RIPOR3: variants seen among roughly 807,000 people sequenced by gnomAD.
RIPOR3 encodes the protein family with sequence similarity 65 member C.
Under a neutral mutation model 114.3 loss-of-function variants are expected in RIPOR3, and 95 were observed. The ratio of observed to expected loss-of-function variants is 0.83; its 90% confidence interval spans 0.70 to 0.99. The LOEUF (loss-of-function observed/expected upper bound fraction) is 0.99, where lower values mean the gene tolerates loss of function less well. Among genes scored for constraint, RIPOR3 ranks in the 50% least tolerant of loss-of-function variants. The probability of loss-of-function intolerance (pLI) is 0.00; values close to 1 mark genes in which losing one functional copy is unlikely to be tolerated. For missense variants in RIPOR3, 1,252 were observed against 1,266.9 expected (o/e 0.99, Z 0.18); for synonymous variants, 575 against 543.8 (o/e 1.06, Z -0.80).
chr20:50,666,968 G>A (rs368266626), intron 1 of RIPOR3, among the ~76,000 whole-genome samples: 10 of 152,166 alleles, frequency 6.6e-5, no homozygotes, highest in African/African-American at 2.4e-4. Context: ...CTTTGGGTGA[G>A]TGGAGTAAAA....
intron 13 of RIPOR3, among the ~76,000 whole-genome samples, chr20:50,599,903 CTTT>C (rs10639593): frequency 5.3e-5 from 8 of 151,450 alleles, no homozygotes; most frequent in Non-Finnish European, 1.0e-4. Flanking sequence ...CACACACACA[CTTT>C]TTTTTCTTTT....
intron 19 of RIPOR3, among the ~76,000 whole-genome samples, chr20:50,591,122 A>G (rs2083093010): frequency 6.6e-6 from 1 of 152,220 alleles, no homozygotes; most frequent in Non-Finnish European, 1.5e-5. Context: ...AACGGGGAAA[A>G]AAACCTTTAG....
chr20:50,598,920 AAG>A (rs1364713894), intron 13 of RIPOR3, among the ~76,000 whole-genome samples: 26 of 151,462 alleles, frequency 1.7e-4, no homozygotes, highest in Non-Finnish European at 3.0e-4. Context: ...AAAAAAAAAA[AAG>A]GAGGGGGTTA....
At chr20:50,653,847 A>G (rs2085708774) in intron 1 of RIPOR3, 1 of 151,924 alleles carries the variant, frequency 6.6e-6, no homozygotes, top group Non-Finnish European at 1.5e-5. Context: ...CGCCTCGGAT[A>G]TTTCTCACTG....
intron 11 of RIPOR3, among the ~76,000 whole-genome samples, chr20:50,606,023 G>A (rs764920903): frequency 6.6e-6 from 1 of 152,166 alleles, no homozygotes; most frequent in South Asian, 2.1e-4. Context: ...GGCCAACATG[G>A]CGAAACCCCA....
chr20:50,651,783 A>C (rs2085622025), intron 1 of RIPOR3, among the ~76,000 whole-genome samples: 1 of 152,202 alleles, frequency 6.6e-6, no homozygotes, highest in Admixed American at 6.5e-5. Flanking sequence ...ATTAGAAACG[A>C]GCTGAGAACT....
intron 1 of RIPOR3, among the ~76,000 whole-genome samples, chr20:50,654,422 GTTTTTTTTTTTT>G (rs34825514): frequency 1.8e-5 from 1 of 56,074 alleles, no homozygotes; most frequent in Non-Finnish European, 3.1e-5. Flanking sequence ...AGGAGGCAGA[GTTTTTTTTTTTT>G]TTTTTTTTTT....
intron 1 of RIPOR3, among the ~76,000 whole-genome samples, chr20:50,683,307 G>A (rs921175202): frequency 1.8e-4 from 27 of 152,168 alleles, no homozygotes; most frequent in African/African-American, 6.0e-4. Flanking sequence ...GTTCCAGCAC[G>A]CAGGTGGGAC....
Position 50,609,332 on chromosome 20 carries a change from G to T in RIPOR3, c.601C>A (p.Leu201Met), listed in dbSNP as rs2083858246. The T allele has an allele frequency of 6.2e-7, 1 of 1,613,810 alleles. No individual in the cohort carries two copies. Among genetic ancestry groups the T allele is most frequent in the South Asian group, 1.1e-5 (1 of 91,068 alleles). The change falls in exon 8 of 22, where the codon CTG becomes ATG. Residue 201 changes from leucine to methionine, a missense_variant. By Grantham distance (15) the Leu-to-Met change is conservative. Transcript: ENST00000327979. ...AEDMWLIEGA[L>M]EVHLGEFHIR... ...TGGAACTCGCCCAGGTGAACCTCCA[G>T]GGCCCCCTCGATGAGCCACATGTCC...
chr20:50,625,408 T>C (rs2426173), intron 2 of RIPOR3, among the ~76,000 whole-genome samples: 18,799 of 152,062 alleles, frequency 0.12, 2,838 homozygotes, highest in African/African-American at 0.36. Flanking sequence ...TGGACTCATT[T>C]CTCCTGACAC....
chr20:50,688,409 C>T (rs1212061877), intron 1 of RIPOR3, among the ~76,000 whole-genome samples: 1 of 152,210 alleles, frequency 6.6e-6, no homozygotes, highest in Non-Finnish European at 1.5e-5. Flanking sequence ...CCTGTCTCAG[C>T]CTCCCAAAAT....
intron 1 of RIPOR3, among the ~76,000 whole-genome samples, chr20:50,644,507 C>A (rs6096042): frequency 0.1 from 15,444 of 151,558 alleles, 856 homozygotes; most frequent in East Asian, 0.2. Flanking sequence ...TTCTTTGAGG[C>A]AAGATCTGGC....
chr20:50,615,524 CAAAAAAAAAAA>C (rs11474316), intron 4 of RIPOR3, among the ~76,000 whole-genome samples: 1 of 58,368 alleles, frequency 1.7e-5, no homozygotes, highest in Non-Finnish European at 3.5e-5. Flanking sequence ...AATCCTGTCT[CAAAAAAAAAAA>C]AAAAAAAAAA....
chr20:50,661,413 C>T (rs2085992752), intron 1 of RIPOR3, among the ~76,000 whole-genome samples: 1 of 152,142 alleles, frequency 6.6e-6, no homozygotes, highest in Admixed American at 6.5e-5. Context: ...TAAACATCTC[C>T]ATAGCCTTGT....
chr20:50,589,604 A>C, intron 20 of RIPOR3, 82 bp downstream of exon 20: 1 of 1,420,576 alleles, frequency 7.0e-7, no homozygotes, highest in Non-Finnish European at 9.7e-7. Flanking sequence ...CCCCAGTGGA[A>C]TCATTTTGAA....
intron 3 of RIPOR3, among the ~76,000 whole-genome samples, chr20:50,616,370 C>G (rs930081401): frequency 6.6e-6 from 1 of 152,082 alleles, no homozygotes; most frequent in Non-Finnish European, 1.5e-5. Context: ...GAGACAAGGT[C>G]CCCCCTCTCT....
intron 1 of RIPOR3, among the ~76,000 whole-genome samples, chr20:50,689,043 G>A (rs2087120671): frequency 2.0e-5 from 3 of 152,046 alleles, no homozygotes; most frequent in South Asian, 2.1e-4. Context: ...TGTTACAACC[G>A]ACACCCATGC....
At chr20:50,606,791 G>C (rs1024151300) in intron 11 of RIPOR3, among the ~76,000 whole-genome samples, 1 of 151,042 alleles carries the variant, frequency 6.6e-6, no homozygotes, top group Non-Finnish European at 1.5e-5. Flanking sequence ...GTGCGGTGGC[G>C]CCATCTTGGC....
At chr20:50,652,607 A>AG (rs2085655339) in intron 1 of RIPOR3, among the ~76,000 whole-genome samples, 2 of 150,172 alleles carry the variant, frequency 1.3e-5, no homozygotes, top group Non-Finnish European at 3.0e-5. Context: ...AAAAAAAAAA[A>AG]AAAAAAGAAA....
Sources: gnomAD v4.1 joint callset for allele counts (sites outside exome capture counted in the v4.1 genomes callset) on GRCh38, gnomAD v4.1.1 for gene constraint, MANE v1.5 for transcripts, NCBI Gene and HGNC (gene_info 2026-07-23, HGNC 2026-07-21) for gene names.